The following ROCK2 variants were observed in gnomAD, a reference collection of about 807,000 sequenced individuals.
ROCK2 encodes Rho associated coiled-coil containing protein kinase 2, also known as rho-associated protein kinase 2.
ROCK2 carries 61 observed loss-of-function variants against 195.1 expected under a neutral mutation model. The observed-to-expected ratio is 0.31, with a 90% CI of 0.25 to 0.39. ROCK2 has a LOEUF of 0.39. ROCK2 is among the 10% of genes least tolerant of loss of function. The pLI, the probability that ROCK2 is intolerant of heterozygous loss-of-function variation, is 1.00. For missense variants in ROCK2, 1,109 were observed against 1,637.4 expected, an observed-to-expected ratio of 0.68 and a Z score of 5.57; for synonymous variants, 504 against 545.5, an observed-to-expected ratio of 0.92 and a Z score of 1.06.
intron 3 of ROCK2, among the ~76,000 whole-genome samples, chr2:11,283,674 T>C (rs1026183853): frequency 6.6e-6 from 1 of 150,694 alleles, no homozygotes; most frequent in Non-Finnish European, 1.5e-5. Context: ...ATCAGGGAAA[T>C]GTCAAATTAA....
chr2:11,271,835 G>C (rs1666641079), intron 3 of ROCK2, among the ~76,000 whole-genome samples: 1 of 152,022 alleles, frequency 6.6e-6, no homozygotes, highest in African/African-American at 2.4e-5. Context: ...AGACCATCCT[G>C]GCTAACACGG....
At chr2:11,249,027 C>T (rs1163785806) in intron 4 of ROCK2, among the ~76,000 whole-genome samples, 2 of 152,000 alleles carry the variant, frequency 1.3e-5, no homozygotes, top group African/African-American at 2.4e-5. Flanking sequence ...TCCCAAGTAG[C>T]TGGGATTACA....
At chr2:11,237,873 T>C (rs1041493025) in intron 4 of ROCK2, among the ~76,000 whole-genome samples, 2 of 151,838 alleles carry the variant, frequency 1.3e-5, no homozygotes, top group Non-Finnish European at 2.9e-5. Flanking sequence ...AGGTCAGGAG[T>C]TTGAGATCAG....
At position 11,207,798 on chromosome 2, in the gene ROCK2, T is replaced by C; in HGVS notation, c.2477A>G (p.Gln826Arg). 1.2e-6 allele frequency: 2 copies of C among 1,612,968 alleles called. No individual in the cohort carries two copies. Among genetic ancestry groups the C allele is most frequent in the Non-Finnish European group, 1.7e-6 (2 of 1,179,266 alleles). The change falls in exon 20 of 33, where the codon CAG becomes CGG. Residue 826 changes from glutamine (Q) to arginine (R), a missense_variant. Transcript: ENST00000315872. ...QVNTLKMSEKQLKQENNHLME... is the reference protein window; with the variant it reads ...QVNTLKMSEKRLKQENNHLME... Reference sequence around the variant, plus strand: ...GAGATGGTTATTTTCTTGCTTTAACTGCTTTTCTGACATTTTTAGTGTGTT... The same window carrying C: ...GAGATGGTTATTTTCTTGCTTTAACCGCTTTTCTGACATTTTTAGTGTGTT...
intron 10 of ROCK2, 85 bp from the exon 11 acceptor site, chr2:11,218,551 A>G: frequency 1.1e-6 from 1 of 951,634 alleles, no homozygotes; most frequent in Non-Finnish European, 1.5e-6. Flanking sequence ...AACCATAACA[A>G]AATTATCCAA....
intron 4 of ROCK2, among the ~76,000 whole-genome samples, chr2:11,246,712 A>G (rs1665630651): frequency 6.6e-6 from 1 of 152,202 alleles, no homozygotes; most frequent in African/African-American, 2.4e-5. Flanking sequence ...TATTTCTAAC[A>G]AAAGTATAGT....
rs1274002991 is a variant in ROCK2, at chr2:11,180,206, A to C, written c.*3231T>G. On this transcript the variant is annotated 3_prime_UTR_variant, in exon 33 of 33. Transcript: ENST00000315872. ...TAAAGCATGTTTCAGTAAGGTTAAT[A>C]TAGTGTCCGAGTTTCTCTACTTTAC... The C allele has an allele frequency of 1.3e-5, 2 of 152,214 alleles. No homozygotes were observed. Among genetic ancestry groups the C allele is most frequent in the Non-Finnish European group, 2.9e-5 (2 of 68,040 alleles). 9.4% of individuals were successfully genotyped at this position (152,214 alleles called of 1,614,324 possible).
At chr2:11,327,508 C>T (rs1668585385) in intron 1 of ROCK2, among the ~76,000 whole-genome samples, 1 of 152,120 alleles carries the variant, frequency 6.6e-6, no homozygotes, top group Non-Finnish European at 1.5e-5. Context: ...GGTGGCAAAG[C>T]CTTATGGGGA....
At chr2:11,320,019 C>T (rs1386246866) in intron 1 of ROCK2, among the ~76,000 whole-genome samples, 2 of 152,090 alleles carry the variant, frequency 1.3e-5, no homozygotes, top group African/African-American at 4.8e-5. Context: ...TACTGTTAAC[C>T]TGAATCCACT....
Position 11,214,421 on chromosome 2 carries a change from A to T in ROCK2, c.1979T>A (p.Ile660Asn). 1 of 1,611,298 alleles carries T rather than the reference A, an allele frequency of 6.2e-7. No individual in the cohort carries two copies. The highest frequency in any genetic ancestry group is 1.1e-5 in the South Asian group (1 of 90,736). Residue 660 changes from isoleucine to asparagine, a missense_variant, in exon 17 of 33, where the codon ATC (isoleucine) becomes AAC (asparagine). Ile to Asn is a moderately radical substitution (Grantham distance 149). Coordinates refer to ENST00000315872, the MANE Select transcript of ROCK2 (RefSeq NM_004850.5). ...CTCCAGTTCTACTTTCGCTAGTAAGATTTTGCCGTTCTTTAAATCTTCTTC... is the reference window on the plus strand; with the variant it reads ...CTCCAGTTCTACTTTCGCTAGTAAGTTTTTGCCGTTCTTTAAATCTTCTTC... The part of the protein sequence containing the change: ...GLEEDLKNGK[I>N]LLAKVELEKR...
chr2:11,191,000 T>G (rs1415653236), intron 32 of ROCK2, among the ~76,000 whole-genome samples: 1 of 152,198 alleles, frequency 6.6e-6, no homozygotes, highest in Non-Finnish European at 1.5e-5. Flanking sequence ...AATTCTGCCT[T>G]TGTCATTCTA....
chr2:11,205,933 A>G (rs1664034891), intron 20 of ROCK2, among the ~76,000 whole-genome samples: 1 of 152,080 alleles, frequency 6.6e-6, no homozygotes, highest in Admixed American at 6.6e-5. Context: ...ACATGGTGAA[A>G]CCCTATCTCT....
intron 3 of ROCK2, among the ~76,000 whole-genome samples, chr2:11,270,895 T>C (rs2148164616): frequency 6.6e-6 from 1 of 152,344 alleles, no homozygotes; most frequent in South Asian, 2.1e-4. Flanking sequence ...CTTTGTAATT[T>C]TTCCTTGATA....
intron 9 of ROCK2, among the ~76,000 whole-genome samples, chr2:11,219,412 G>A (rs1664550716): frequency 6.6e-6 from 1 of 151,476 alleles, no homozygotes; most frequent in Admixed American, 6.6e-5. Context: ...TCGGGAGGCT[G>A]AGGCATGAGA....
chr2:11,193,855 T>G lies in ROCK2; in HGVS notation c.3611A>C (p.Lys1204Thr). 6.3e-7 allele frequency: 1 copy of G among 1,587,866 alleles called. No homozygotes were observed. The highest frequency in any genetic ancestry group is 8.6e-7 in the Non-Finnish European group (1 of 1,162,376). Reference sequence around the variant, plus strand: ...TGTAACTGGTCGGACATGAAATAACTTGCTATAAAAAATTTTGAATAAAGG... The same window carrying G: ...TGTAACTGGTCGGACATGAAATAACGTGCTATAAAAAATTTTGAATAAAGG... The part of the protein sequence containing the change: ...SNPYMVLDID[K>T]LFHVRPVTQT... Residue 1204 changes from lysine to threonine, a missense_variant and splice_region_variant, in exon 30 of 33, where the codon AAG becomes ACG. By Grantham distance (78) the Lys-to-Thr change is moderately conservative. This residue lies in a region of ROCK2 where 221 missense variants were observed against 355.1 expected (regional missense o/e 0.62). Coordinates refer to ENST00000315872, the MANE Select transcript of ROCK2 (RefSeq NM_004850.5).
intron 1 of ROCK2, among the ~76,000 whole-genome samples, chr2:11,298,733 A>G (rs1023285149): frequency 6.6e-6 from 1 of 152,156 alleles, no homozygotes; most frequent in Admixed American, 6.5e-5. Context: ...GAGAAGTCAC[A>G]CGACTTTATA....
chr2:11,221,180 A>T lies in ROCK2; in HGVS notation c.1259+18T>A, dbSNP rs1467531277. The T allele has an allele frequency of 2.0e-6, 3 of 1,502,194 alleles. No homozygotes were observed. The highest frequency in any genetic ancestry group is 2.7e-6 in the Non-Finnish European group (3 of 1,129,114). The allele number at this position is 1,502,194 out of a possible 1,614,324, so 93.1% of individuals were successfully genotyped here. ...GATTCTAAAAACAGTAAAATTTAAC[A>T]AATAATAAACCACATACAAATTTTC... On this transcript the variant is annotated intron_variant, in intron 9 of 32. Coordinates refer to ENST00000315872, the MANE Select transcript of ROCK2 (RefSeq NM_004850.5).
chr2:11,285,973 G>A (rs549651618), intron 3 of ROCK2, among the ~76,000 whole-genome samples: 40 of 152,038 alleles, frequency 2.6e-4, no homozygotes, highest in Admixed American at 7.9e-4. Flanking sequence ...GGTAAACGCT[G>A]TAGTGTGAAG....
In ROCK2 at chr2:11,221,311, G is replaced by A; in HGVS notation, c.1146C>T (p.Ser382=). The change falls in exon 9 of 33, where the codon AGC becomes AGT. Residue 382 remains serine (S), a synonymous_variant. Coordinates refer to ENST00000315872, the MANE Select transcript of ROCK2 (RefSeq NM_004850.5). ...TGTCATCTTCAATGTCATCGAAATT[G>A]CTGCTGTCTATGTCACTGCTGAGTT... is the stretch of plus-strand genomic sequence containing the variant. ...VPELSSDIDS[S]NFDDIEDDKG... is the part of the protein sequence containing the mutation. The A allele has an allele frequency of 6.3e-7, 1 of 1,591,672 alleles. No individual in the cohort carries two copies. Among genetic ancestry groups the A allele is most frequent in the Non-Finnish European group, 8.5e-7 (1 of 1,171,722 alleles).
Sources: allele counts gnomAD v4.1 joint callset (sites outside exome capture counted in the v4.1 genomes callset), GRCh38; gene constraint gnomAD v4.1.1; regional missense constraint gnomAD v4.1.1; transcripts MANE v1.5; gene names NCBI Gene and HGNC (gene_info 2026-07-23, HGNC 2026-07-21).